The following KLHL1 variants were observed in gnomAD, a reference collection of about 807,000 sequenced individuals.
KLHL1 encodes kelch like family member 1, also known as kelch-like protein 1.
A neutral mutation model predicts 77.7 loss-of-function variants in KLHL1; 47 were observed. The observed-to-expected ratio is 0.60, with a 90% CI of 0.48 to 0.77. The LOEUF (loss-of-function observed/expected upper bound fraction) is 0.77, where lower values mean the gene tolerates loss of function less well. Ranked by LOEUF, KLHL1 falls within the 30% of genes least tolerant of loss-of-function variation. The pLI is 0.00. For synonymous variants in KLHL1, 360 were observed against 325.2 expected (o/e 1.11, Z -1.15); for missense variants, 925 against 910.8 (o/e 1.02, Z -0.20).
intron 1 of KLHL1, among the ~76,000 whole-genome samples, chr13:69,996,530 T>C (rs1048803088): frequency 2.0e-5 from 3 of 152,130 alleles, no homozygotes; most frequent in Admixed American, 2.0e-4. Flanking sequence ...AGTGTGAAGC[T>C]GTCAACTTCC....
intron 6 of KLHL1, among the ~76,000 whole-genome samples, chr13:69,807,143 T>G (rs1484278374): frequency 8.5e-5 from 13 of 152,190 alleles, no homozygotes; most frequent in Admixed American, 8.5e-4. Context: ...TGTCATCCCA[T>G]GCATATCTAG....
intron 1 of KLHL1, among the ~76,000 whole-genome samples, chr13:70,048,157 A>G (rs1886546643): frequency 6.6e-6 from 1 of 152,196 alleles, no homozygotes; most frequent in African/African-American, 2.4e-5. Flanking sequence ...TTGGCAACTT[A>G]TCTCAAATAT....
chr13:69,978,252 G>A (rs749051314), intron 1 of KLHL1, among the ~76,000 whole-genome samples: 2 of 151,782 alleles, frequency 1.3e-5, no homozygotes, highest in Non-Finnish European at 2.9e-5. Context: ...AGGTAGAAAG[G>A]ATAATTAAGT....
At chr13:69,904,485 CTT>C (rs761265586) in intron 4 of KLHL1, among the ~76,000 whole-genome samples, 1 of 152,144 alleles carries the variant, frequency 6.6e-6, no homozygotes, top group Non-Finnish European at 1.5e-5. Flanking sequence ...GTAATACAGT[CTT>C]TACACTAAAT....
At position 70,066,289 on chromosome 13, in the gene KLHL1, C is replaced by G. The variant is rs1013998532; in HGVS notation, c.497+40914G>C. 5.9e-5 allele frequency among the ~76,000 whole-genome samples: 9 copies of G among 152,206 alleles called. No individual in the cohort carries two copies. In the East Asian group the frequency reaches 1.5e-3, roughly 26 times the overall value. On this transcript the variant is annotated intron_variant, in intron 1 of 10. Transcript: ENST00000377844. ...AATTTAGTCTGTCTAAGTCATCTAG[C>G]AATGAGAGATTTACTTTTTTAAAAA... is the stretch of plus-strand genomic sequence containing the variant.
At chr13:69,875,947 C>T (rs1412931123) in intron 5 of KLHL1, among the ~76,000 whole-genome samples, 2 of 151,498 alleles carry the variant, frequency 1.3e-5, no homozygotes, top group Non-Finnish European at 2.9e-5. Context: ...AGACAGCCAG[C>T]AAATCAAAGG....
intron 1 of KLHL1, among the ~76,000 whole-genome samples, chr13:70,039,225 T>G (rs1016273732): frequency 6.6e-6 from 1 of 151,210 alleles, no homozygotes; most frequent in Non-Finnish European, 1.5e-5. Context: ...CACACCAGCA[T>G]GCCCAGCTAA....
At chr13:69,709,810 T>C (rs1038756363) in intron 9 of KLHL1, among the ~76,000 whole-genome samples, 2 of 151,966 alleles carry the variant, frequency 1.3e-5, no homozygotes, top group African/African-American at 4.8e-5. Context: ...GTGATCGTTG[T>C]TGAAGCAGGG....
intron 4 of KLHL1, chr13:69,894,682 G>T: frequency 6.1e-6 from 1 of 163,102 alleles, no homozygotes; most frequent in East Asian, 1.9e-4. Flanking sequence ...CAACTAATTT[G>T]GTCGACAAGG....
At chr13:69,895,872 AATT>A (rs1194103130) in intron 4 of KLHL1, among the ~76,000 whole-genome samples, 4 of 151,768 alleles carry the variant, frequency 2.6e-5, no homozygotes, top group African/African-American at 9.7e-5. Context: ...ATGCCTGGCT[AATT>A]ATTGTATTTT....
intron 5 of KLHL1, among the ~76,000 whole-genome samples, chr13:69,839,387 A>G (rs971955845): frequency 1.4e-4 from 21 of 151,936 alleles, no homozygotes; most frequent in African/African-American, 4.8e-4. Context: ...TTATCATTTT[A>G]CCACACAGAG....
At chr13:70,041,960 CT>C (rs925661083) in intron 1 of KLHL1, among the ~76,000 whole-genome samples, 1 of 152,034 alleles carries the variant, frequency 6.6e-6, no homozygotes, top group African/African-American at 2.4e-5. Flanking sequence ...TTGCTTATTT[CT>C]TTGTTTGTTT....
intron 2 of KLHL1, among the ~76,000 whole-genome samples, chr13:69,963,602 G>T (rs9572317): frequency 0.62 from 94,034 of 152,020 alleles, 29,165 homozygotes; most frequent in South Asian, 0.65. Context: ...CACAGCAGAT[G>T]TGGCCCCTGC....
intron 1 of KLHL1, among the ~76,000 whole-genome samples, chr13:70,092,134 C>G (rs1354656260): frequency 6.6e-6 from 1 of 152,118 alleles, no homozygotes; most frequent in Non-Finnish European, 1.5e-5. Context: ...CAGCTGGCAC[C>G]TTGATTTCAG....
At chr13:70,026,710 G>A (rs1441545) in intron 1 of KLHL1, among the ~76,000 whole-genome samples, 4 of 28,586 alleles carry the variant, frequency 1.4e-4, no homozygotes, top group Non-Finnish European at 4.5e-4. Context: ...TAGGGTGTGT[G>A]TGTGTGTGTG....
chr13:69,900,070 C>T (rs1429934665), intron 4 of KLHL1, among the ~76,000 whole-genome samples: 1 of 152,130 alleles, frequency 6.6e-6, no homozygotes, highest in Non-Finnish European at 1.5e-5. Flanking sequence ...AAGTAAACTA[C>T]ATAGGTCTCC....
intron 5 of KLHL1, among the ~76,000 whole-genome samples, chr13:69,858,234 C>G (rs1327420740): frequency 6.6e-6 from 1 of 152,030 alleles, no homozygotes; most frequent in African/African-American, 2.4e-5. Context: ...GACATACAAG[C>G]CTCTTCCTTC....
chr13:70,049,535 A>G (rs1480560459), intron 1 of KLHL1, among the ~76,000 whole-genome samples: 1 of 152,174 alleles, frequency 6.6e-6, no homozygotes, highest in Non-Finnish European at 1.5e-5. Flanking sequence ...GGTGAAGGGT[A>G]TAATTATTAT....
intron 8 of KLHL1, among the ~76,000 whole-genome samples, chr13:69,724,709 A>G (rs140690344): frequency 4.5e-4 from 69 of 152,276 alleles, no homozygotes; most frequent in Non-Finnish European, 7.9e-4. Context: ...GATTAAAGCC[A>G]TACATACACC....
Sources: allele counts gnomAD v4.1 joint callset (sites outside exome capture counted in the v4.1 genomes callset), GRCh38; gene constraint gnomAD v4.1.1; transcripts MANE v1.5; gene names NCBI Gene and HGNC (gene_info 2026-07-23, HGNC 2026-07-21).